Variants in TLK1 observed in about 807,000 individuals in gnomAD.
The protein encoded by TLK1 is serine/threonine-protein kinase tousled-like 1.
A neutral mutation model predicts 105.3 loss-of-function variants in TLK1; 24 were observed. The ratio of observed to expected loss-of-function variants is 0.23; its 90% confidence interval spans 0.17 to 0.32. TLK1 has a LOEUF of 0.32. Ranked by LOEUF, TLK1 falls within the 10% of genes least tolerant of loss-of-function variation. The pLI is 1.00. For missense variants in TLK1, 558 were observed against 910.5 expected, an observed-to-expected ratio of 0.61 and a Z score of 4.98; for synonymous variants, 321 against 310.4, an observed-to-expected ratio of 1.03 and a Z score of -0.36.
chr2:171,151,008 A>G (rs958651749), intron 1 of TLK1, among the ~76,000 whole-genome samples: 3 of 151,564 alleles, frequency 2.0e-5, no homozygotes, highest in Admixed American at 6.6e-5. Context: ...AATATTCTCT[A>G]TGTGTGCCTG....
chr2:171,090,949 G>C (rs1689201543), intron 2 of TLK1, among the ~76,000 whole-genome samples: 1 of 152,144 alleles, frequency 6.6e-6, no homozygotes, highest in African/African-American at 2.4e-5. Flanking sequence ...GCCACATGTG[G>C]CCAGTGGCTA....
intron 2 of TLK1, among the ~76,000 whole-genome samples, chr2:171,115,178 T>C (rs1263556675): frequency 6.8e-6 from 1 of 146,526 alleles, no homozygotes; most frequent in Admixed American, 6.7e-5. Context: ...TTCTTTCTTT[T>C]TTTTTTTTTT....
intron 11 of TLK1, among the ~76,000 whole-genome samples, chr2:171,034,654 G>C (rs1018891485): frequency 3.3e-5 from 5 of 152,140 alleles, no homozygotes; most frequent in African/African-American, 1.2e-4. Context: ...TTTGAAACTA[G>C]AGAGAAGTGA....
intron 12 of TLK1, chr2:171,022,889 C>T (rs1191266614): frequency 3.2e-6 from 1 of 313,518 alleles, no homozygotes; most frequent in Non-Finnish European, 6.4e-6. Flanking sequence ...CAACGCCCTG[C>T]ATTCTCCACT....
chr2:171,002,609 T>G (rs1052232859), intron 18 of TLK1, among the ~76,000 whole-genome samples: 1 of 151,668 alleles, frequency 6.6e-6, no homozygotes, highest in Non-Finnish European at 1.5e-5. Context: ...TCTGTGGGTA[T>G]CATGCGCCCA....
At chr2:171,032,578 C>G (rs190432324) in intron 11 of TLK1, among the ~76,000 whole-genome samples, 1 of 152,216 alleles carries the variant, frequency 6.6e-6, no homozygotes, top group East Asian at 1.9e-4. Context: ...CAAAATATTG[C>G]TAAGGAGTTC....
At chr2:171,154,298 T>C (rs1037911859) in intron 1 of TLK1, 1 of 152,118 alleles carries the variant, frequency 6.6e-6, no homozygotes, top group African/African-American at 2.4e-5. Flanking sequence ...CCCTAATAAA[T>C]TATATTACGA....
intron 1 of TLK1, among the ~76,000 whole-genome samples, chr2:171,197,968 C>A (rs1558988486): frequency 6.6e-6 from 1 of 152,112 alleles, no homozygotes; most frequent in African/African-American, 2.4e-5. Flanking sequence ...AACAACTGCA[C>A]CAGACAAAGT....
intron 1 of TLK1, among the ~76,000 whole-genome samples, chr2:171,129,641 C>T (rs1691012767): frequency 6.6e-6 from 1 of 151,954 alleles, no homozygotes; most frequent in African/African-American, 2.4e-5. Flanking sequence ...GAGTTCGAGA[C>T]CAGCCTGGGC....
intron 6 of TLK1, 31 bp from the exon 7 acceptor site, chr2:171,055,203 CAAA>C (rs71399594): frequency 5.3e-3 from 2,692 of 512,236 alleles, no homozygotes; most frequent in South Asian, 7.0e-3. Flanking sequence ...TTTATATTAG[CAAA>C]AAAAAAAAAA....
intron 1 of TLK1, among the ~76,000 whole-genome samples, chr2:171,193,299 C>A (rs1027045628): frequency 6.6e-6 from 1 of 152,044 alleles, no homozygotes; most frequent in Non-Finnish European, 1.5e-5. Flanking sequence ...CCTAGGACTT[C>A]ATAAACCTCA....
intron 1 of TLK1, among the ~76,000 whole-genome samples, chr2:171,193,224 C>T (rs1693189101): frequency 6.6e-6 from 1 of 152,116 alleles, no homozygotes; most frequent in African/African-American, 2.4e-5. Context: ...CCAACAGCCA[C>T]ACTTAGAAAT....
chr2:171,126,710 T>C (rs1480557527), intron 1 of TLK1, among the ~76,000 whole-genome samples: 1 of 152,062 alleles, frequency 6.6e-6, no homozygotes, highest in Non-Finnish European at 1.5e-5. Context: ...GTTTTAAATT[T>C]AAAACTTCCT....
intron 2 of TLK1, among the ~76,000 whole-genome samples, chr2:171,083,907 C>T (rs1305897029): frequency 6.6e-6 from 1 of 152,058 alleles, no homozygotes; most frequent in African/African-American, 2.4e-5. Flanking sequence ...TTTGAAACAG[C>T]AGCAATTAAG....
chr2:171,093,824 A>G (rs1689342547), intron 2 of TLK1, among the ~76,000 whole-genome samples: 1 of 152,180 alleles, frequency 6.6e-6, no homozygotes, highest in Non-Finnish European at 1.5e-5. Flanking sequence ...CAGAGATTTA[A>G]GTTGATCACT....
chr2:171,047,563 G>A (rs1033435724), intron 10 of TLK1, among the ~76,000 whole-genome samples: 2 of 152,146 alleles, frequency 1.3e-5, no homozygotes, highest in Non-Finnish European at 2.9e-5. Flanking sequence ...AAAGGGTAGA[G>A]AAAAATCTCA....
chr2:171,003,301 A>AAAAAAAAC (rs1684487267), intron 18 of TLK1, among the ~76,000 whole-genome samples: 1 of 144,562 alleles, frequency 6.9e-6, no homozygotes, highest in Non-Finnish European at 1.5e-5. Context: ...AAAAAAAAAA[A>AAAAAAAAC]AAAAGTACAA....
At chr2:171,113,045 T>C (rs979551470) in intron 2 of TLK1, among the ~76,000 whole-genome samples, 2 of 151,974 alleles carry the variant, frequency 1.3e-5, no homozygotes, top group East Asian at 3.9e-4. Flanking sequence ...ATCAAGAATA[T>C]AGAGATGCTT....
intron 1 of TLK1, among the ~76,000 whole-genome samples, chr2:171,179,776 G>A (rs995738513): frequency 6.6e-6 from 1 of 151,968 alleles, no homozygotes; most frequent in Admixed American, 6.6e-5. Context: ...TGGCCAACAT[G>A]ATAAAACCCC....
Sources: allele counts gnomAD v4.1 joint callset (sites outside exome capture counted in the v4.1 genomes callset), GRCh38; gene constraint gnomAD v4.1.1; transcripts MANE v1.5; gene names NCBI Gene and HGNC (gene_info 2026-07-23, HGNC 2026-07-21).